The following HOXB4 variants were observed in gnomAD, a reference collection of about 807,000 sequenced individuals.
HOXB4 encodes the protein homeobox protein Hox-B4.
In HOXB4, 13 loss-of-function variants were observed where a neutral mutation model predicts 20.0. The ratio of observed to expected loss-of-function variants is 0.65; its 90% CI spans 0.42 to 1.03. HOXB4 has a LOEUF of 1.03. HOXB4 is among the 50% of genes least tolerant of loss of function. HOXB4 has a pLI of 0.00. For synonymous variants in HOXB4, 173 were observed against 148.9 expected (o/e 1.16, Z -1.18); for missense variants, 343 against 357.1 (o/e 0.96, Z 0.32).
chr17:48,577,829 G>C (rs778398920), intron 1 of HOXB4, 34 bp downstream of exon 1: 14 of 1,385,200 alleles, frequency 1.0e-5, no homozygotes, highest in Middle Eastern at 1.9e-4. Context: ...AAAGCTCCAG[G>C]GGTGGGAGGG....
Position 48,578,313 on chromosome 17 carries a change from T to C in HOXB4, c.7A>G (p.Met3Val), listed in dbSNP as rs745752373. MA[M>V]SSFLINSNYV... ...TTTGAGTTGATCAAAAAAGAACTCA[T>C]AGCCATTAATTTCTGGGAATTGCCC... is the stretch of plus-strand genomic sequence containing the variant. The change falls in exon 1 of 2, where the codon ATG becomes GTG. Residue 3 changes from methionine (M) to valine (V), a missense_variant. Coordinates refer to ENST00000332503, the MANE Select transcript of HOXB4 (RefSeq NM_024015.5). The C allele has an allele frequency of 6.2e-7, 1 of 1,608,254 alleles. No individual in the cohort carries two copies. The highest frequency in any genetic ancestry group is 8.5e-7 in the Non-Finnish European group (1 of 1,177,556).
intron 1 of HOXB4, 82 bp from the exon 2 acceptor site, chr17:48,577,102 G>A: frequency 1.5e-6 from 2 of 1,349,500 alleles, no homozygotes; most frequent in South Asian, 1.4e-5. Flanking sequence ...GGAACACAGC[G>A]TTTCCCTCCC....
chr17:48,578,226 C>A lies in HOXB4; in HGVS notation c.94G>T (p.Asp32Tyr). The A allele has an allele frequency of 6.2e-7, 1 of 1,613,944 alleles. No homozygotes were observed. The highest frequency in any genetic ancestry group is 8.5e-7 in the Non-Finnish European group (1 of 1,179,952). ...CCGGCGTAGTACCCGGGCGAGTGGTCGCTGGGTAGGTAATCGCTCTGTGAA... is the reference window on the plus strand; with the variant it reads ...CCGGCGTAGTACCCGGGCGAGTGGTAGCTGGGTAGGTAATCGCTCTGTGAA... Reference protein sequence around the residue: ...EYSQSDYLPSDHSPGYYAGGQ... With the variant: ...EYSQSDYLPSYHSPGYYAGGQ... The change falls in exon 1 of 2, where the codon GAC becomes TAC. Residue 32 changes from aspartate to tyrosine, a missense_variant. Coordinates refer to ENST00000332503, the MANE Select transcript of HOXB4 (RefSeq NM_024015.5).
Position 48,578,179 on chromosome 17 carries a change from G to A in HOXB4, c.141C>T (p.Ser47=), listed in dbSNP as rs748349920. ...GCCCGAAGCCCGCCTCCGGCTGGAA[G>A]CTGCTCTCTCGCCTCTGGCCGCCGG... ...YYAGGQRRES[S]FQPEAGFGRR... Residue 47 remains serine, a synonymous_variant, in exon 1 of 2, where the codon AGC becomes AGT. Coordinates refer to ENST00000332503, the MANE Select transcript of HOXB4 (RefSeq NM_024015.5). 2 of 1,611,586 alleles carry A rather than the reference G, an allele frequency of 1.2e-6. No homozygotes were observed. The highest frequency in any genetic ancestry group is 1.7e-6 in the Non-Finnish European group (2 of 1,178,758).
chr17:48,577,204 CCAAGTT>C (rs2069794383), intron 1 of HOXB4, among the ~76,000 whole-genome samples, 184 bp from the exon 2 acceptor site: 1 of 152,156 alleles, frequency 6.6e-6, no homozygotes, highest in Non-Finnish European at 1.5e-5. Flanking sequence ...AAAGAGACCT[CCAAGTT>C]TTGGAGGGCT....
Position 48,578,105 on chromosome 17 carries a change from C to A in HOXB4, c.215G>T (p.Gly72Val). The A allele has an allele frequency of 8.0e-7, 1 of 1,242,608 alleles. No individual in the cohort carries two copies. The highest frequency in any genetic ancestry group is 1.0e-6 in the Non-Finnish European group (1 of 963,020). 77.0% of individuals were successfully genotyped at this position (1,242,608 alleles called of 1,614,324 possible). ...GGGTGGTGGCGGAGGCGGCGGGGGC[C>A]CAGGGTCCCGGCAGGCCGCGTAGCG... ...VQRYAACRDP[G>V]PPPPPPPPPP... Residue 72 changes from glycine to valine, a missense_variant, in exon 1 of 2, where the codon GGG becomes GTG. Coordinates refer to ENST00000332503, the MANE Select transcript of HOXB4 (RefSeq NM_024015.5).
rs1010994959 is a variant in HOXB4, at chr17:48,578,083, T to C, written c.237A>G (p.Pro79=). The C allele has an allele frequency of 1.9e-5, 2 of 103,616 alleles. No individual in the cohort carries two copies. Among genetic ancestry groups the C allele is most frequent in the Non-Finnish European group, 2.9e-5 (2 of 68,732 alleles). The allele number at this position is 103,616 out of a possible 1,614,324, so 6.4% of individuals were successfully genotyped here. A position where few individuals can be genotyped will look rare whatever the true frequency, so the allele number is the denominator to read the frequency against. Residue 79 remains proline (P), a synonymous_variant, in exon 1 of 2, where the codon CCA becomes CCG. Coordinates refer to ENST00000332503, the MANE Select transcript of HOXB4 (RefSeq NM_024015.5). The stretch of plus-strand genomic sequence containing the variant: ...CGGGCGGTGGCGGGGGCGGCGGGGG[T>C]GGTGGCGGAGGCGGCGGGGGCCCAG... ...RDPGPPPPPP[P]PPPPPPPPGL...
chr17:48,576,692 C>A lies in HOXB4; in HGVS notation c.*30G>T. Reference sequence around the variant, plus strand: ...CTGCACTCACTGCCCACCCCCACCCCGAGGTTCGTGGCTCCCGCGTGCGGG... The same window carrying A: ...CTGCACTCACTGCCCACCCCCACCCAGAGGTTCGTGGCTCCCGCGTGCGGG... On this transcript the variant is annotated 3_prime_UTR_variant, in exon 2 of 2. Coordinates refer to ENST00000332503, the MANE Select transcript of HOXB4 (RefSeq NM_024015.5). The A allele has an allele frequency of 6.4e-7, 1 of 1,553,698 alleles. No homozygotes were observed. The highest frequency in any genetic ancestry group is 8.7e-7 in the Non-Finnish European group (1 of 1,151,504).
At position 48,576,706 on chromosome 17, in the gene HOXB4, C is replaced by G; in HGVS notation, c.*16G>C. On this transcript the variant is annotated 3_prime_UTR_variant, in exon 2 of 2. Coordinates refer to ENST00000332503, the MANE Select transcript of HOXB4 (RefSeq NM_024015.5). The stretch of plus-strand genomic sequence containing the variant: ...CACCCCCACCCCGAGGTTCGTGGCT[C>G]CCGCGTGCGGGGGCACTAGAGCGCG... The G allele has an allele frequency of 7.2e-7, 1 of 1,385,350 alleles. No individual in the cohort carries two copies. Among genetic ancestry groups the G allele is most frequent in the Non-Finnish European group, 9.6e-7 (1 of 1,040,428 alleles). 85.8% of individuals were successfully genotyped at this position (1,385,350 alleles called of 1,614,324 possible).
At position 48,578,114 on chromosome 17, in the gene HOXB4, C is replaced by G. The variant is rs879199395; in HGVS notation, c.206G>C (p.Arg69Pro). The part of the protein sequence containing the change: ...ACTVQRYAAC[R>P]DPGPPPPPPP... ...CGGAGGCGGCGGGGGCCCAGGGTCC[C>G]GGCAGGCCGCGTAGCGCTGCACGGT... is the stretch of plus-strand genomic sequence containing the variant. Residue 69 changes from arginine (R) to proline (P), a missense_variant, in exon 1 of 2, where the codon CGG becomes CCG. This residue lies in a region of HOXB4 where 241 missense variants were observed against 222.0 expected (regional missense o/e 1.09). Transcript: ENST00000332503. 7.5e-7 allele frequency: 1 copy of G among 1,327,854 alleles called. No individual in the cohort carries two copies. Among genetic ancestry groups the G allele is most frequent in the South Asian group, 1.9e-5 (1 of 53,928 alleles). 82.3% of individuals were successfully genotyped at this position (1,327,854 alleles called of 1,614,324 possible). A position where few individuals can be genotyped will look rare whatever the true frequency, so the allele number is the denominator to read the frequency against.
intron 1 of HOXB4, among the ~76,000 whole-genome samples, chr17:48,577,343 G>A (rs2069799407): frequency 6.6e-6 from 1 of 152,188 alleles, no homozygotes; most frequent in Non-Finnish European, 1.5e-5. Flanking sequence ...TGAGGGGGTG[G>A]AAGAGGGAGG....
In HOXB4 at chr17:48,577,860, C is replaced by T. The variant is rs1201599274; in HGVS notation, c.457+3G>A. 1.4e-6 allele frequency: 2 copies of T among 1,401,486 alleles called. No individual in the cohort carries two copies. The highest frequency in any genetic ancestry group is 5.8e-5 in the Admixed American group (2 of 34,208). 86.8% of individuals were successfully genotyped at this position (1,401,486 alleles called of 1,614,324 possible). A position where few individuals can be genotyped will look rare whatever the true frequency, so the allele number is the denominator to read the frequency against. ...GAGGGGGAAGGGGTGCCCACGCACT[C>T]ACCCGTGCTCACGTGAACTTTGCGC... On this transcript the variant is annotated splice_donor_region_variant and intron_variant, in intron 1 of 1. Coordinates refer to ENST00000332503, the MANE Select transcript of HOXB4 (RefSeq NM_024015.5).
At chr17:48,577,077 A>G (rs1022306311) in intron 1 of HOXB4, 57 bp from the exon 2 acceptor site, 36 of 1,471,122 alleles carry the variant, frequency 2.4e-5, no homozygotes, top group Non-Finnish European at 3.2e-5. Context: ...CGAAAGAGAG[A>G]GTCCTTTCTT....
In HOXB4 at chr17:48,577,843, A is replaced by T; in HGVS notation, c.457+20T>A. On this transcript the variant is annotated intron_variant, in intron 1 of 1. Transcript: ENST00000332503. ...TAAAGCTCCAGGGGTGGGAGGGGGAAGGGGTGCCCACGCACTCACCCGTGC... is the reference window on the plus strand; with the variant it reads ...TAAAGCTCCAGGGGTGGGAGGGGGATGGGGTGCCCACGCACTCACCCGTGC... 1 of 1,390,740 alleles carries T rather than the reference A, an allele frequency of 7.2e-7. No homozygotes were observed. Among genetic ancestry groups the T allele is most frequent in the Non-Finnish European group, 9.4e-7 (1 of 1,069,240 alleles). 86.1% of individuals were successfully genotyped at this position (1,390,740 alleles called of 1,614,324 possible).
chr17:48,576,555 G>C lies in HOXB4; in HGVS notation c.*167C>G. On this transcript the variant is annotated 3_prime_UTR_variant, in exon 2 of 2. Transcript: ENST00000332503. ...CTCTATTGTCATTTCTATAAATAAA[G>C]CTTCCCCTCCCCCTCTTCTGCGTTT... 2 of 521,852 alleles carry C rather than the reference G, an allele frequency of 3.8e-6. No homozygotes were observed. Among genetic ancestry groups the C allele is most frequent in the East Asian group, 6.4e-5 (2 of 31,172 alleles). The allele number at this position is 521,852 out of a possible 1,614,324, so 32.3% of individuals were successfully genotyped here.
chr17:48,576,730 C>A lies in HOXB4; in HGVS notation c.748G>T (p.Ala250Ser). 1.2e-6 allele frequency: 2 copies of A among 1,606,346 alleles called. No homozygotes were observed. Among genetic ancestry groups the A allele is most frequent in the South Asian group, 2.2e-5 (2 of 90,528 alleles). The change falls in exon 2 of 2, where the codon GCG (alanine) becomes TCG (serine). Residue 250 changes from alanine (A) to serine (S), a missense_variant. This residue lies in a region of HOXB4 where 48 missense variants were observed against 44.8 expected (regional missense o/e 1.07). Coordinates refer to ENST00000332503, the MANE Select transcript of HOXB4 (RefSeq NM_024015.5). Reference sequence around the variant, plus strand: ...TCCCGCGTGCGGGGGCACTAGAGCGCGCGGGGGCCTCCATTGGGCCGGCCA... The same window carrying A: ...TCCCGCGTGCGGGGGCACTAGAGCGAGCGGGGGCCTCCATTGGGCCGGCCA... ...PPGRPNGGPRAL is the reference protein window; with the variant it reads ...PPGRPNGGPRSL
rs765594322 is a variant in HOXB4, at chr17:48,578,265, G to A, written c.55C>T (p.Pro19Ser). 11 of 1,614,000 alleles carry A rather than the reference G, an allele frequency of 6.8e-6. No individual in the cohort carries two copies. The highest frequency in any genetic ancestry group is 7.6e-6 in the Non-Finnish European group (9 of 1,179,876). Residue 19 changes from proline (P) to serine (S), a missense_variant, in exon 1 of 2, where the codon CCA becomes TCA. Physicochemically the swap from Pro to Ser is moderately conservative, Grantham distance 74. Transcript: ENST00000332503. ...TCGCTCTGTGAATATTCCTCGCATGGAGGGAACTTGGGGTCGACATAGTTT... is the reference window on the plus strand; with the variant it reads ...TCGCTCTGTGAATATTCCTCGCATGAAGGGAACTTGGGGTCGACATAGTTT... ...NSNYVDPKFP[P>S]CEEYSQSDYL... is the part of the protein sequence containing the mutation.
Position 48,576,423 on chromosome 17 carries a change from C to T in HOXB4, c.*299G>A, listed in dbSNP as rs2069763993. On this transcript the variant is annotated 3_prime_UTR_variant, in exon 2 of 2. Coordinates refer to ENST00000332503, the MANE Select transcript of HOXB4 (RefSeq NM_024015.5). The stretch of plus-strand genomic sequence containing the variant: ...GGAGCTGCAGCCTCCTCCTATTTCT[C>T]TTTCTGTCTTTTTCTTTCTTCCTTC... 7.4e-6 allele frequency: 2 copies of T among 271,770 alleles called. No individual in the cohort carries two copies. Among genetic ancestry groups the T allele is most frequent in the African/African-American group, 2.3e-5 (1 of 44,238 alleles). The allele number at this position is 271,770 out of a possible 1,614,324, so 16.8% of individuals were successfully genotyped here.
chr17:48,577,007 G>GT lies in HOXB4; in HGVS notation c.470dup (p.Tyr157Ter). The change falls in exon 2 of 2, where the codon TAC (tyrosine) becomes TAAC (stop). Residue 157 changes from tyrosine (Y) to a stop codon, truncating the protein, a stop_gained and frameshift_variant. Coordinates refer to ENST00000332503, the MANE Select transcript of HOXB4 (RefSeq NM_024015.5). LOFTEE classifies it high-confidence loss of function. ...KVHVSTVNPN[Y>*]AGGEPKRSRT... is the part of the protein sequence containing the mutation. ...GAGAGCGCTTGGGCTCCCCGCCGGC[G>GT]TAATTGGGGTTTACTGGACACACAC... 6.2e-7 allele frequency: 1 copy of GT among 1,603,390 alleles called. No homozygotes were observed. The highest frequency in any genetic ancestry group is 8.5e-7 in the Non-Finnish European group (1 of 1,173,568).
Sources: gnomAD v4.1 joint callset for allele counts (sites outside exome capture counted in the v4.1 genomes callset) on GRCh38, gnomAD v4.1.1 for gene constraint, gnomAD v4.1.1 regional missense constraint, MANE v1.5 for transcripts, NCBI Gene and HGNC (gene_info 2026-07-23, HGNC 2026-07-21) for gene names.